YWHAE: variants seen among roughly 807,000 people sequenced by gnomAD.
YWHAE encodes 14-3-3 protein epsilon.
In YWHAE, 4 loss-of-function variants were observed where a neutral mutation model predicts 30.1. The ratio of observed to expected loss-of-function variants is 0.13; its 90% confidence interval spans 0.07 to 0.30. The LOEUF is 0.30. Among genes scored for constraint, YWHAE ranks in the 10% least tolerant of loss-of-function variants. YWHAE has a pLI of 1.00. For synonymous variants in YWHAE, 118 were observed against 111.8 expected (o/e 1.06, Z -0.35); for missense variants, 121 against 315.9 (o/e 0.38, Z 4.68).
intron 3 of YWHAE, chr17:1,361,644 T>G (rs1598239295): frequency 2.2e-6 from 1 of 448,448 alleles, no homozygotes; most frequent in East Asian, 3.7e-5. Context: ...TGTCTATATA[T>G]AACACTAAGC....
chr17:1,353,784 C>G (rs1242020194), intron 5 of YWHAE, among the ~76,000 whole-genome samples: 1 of 150,108 alleles, frequency 6.7e-6, no homozygotes, highest in Non-Finnish European at 1.5e-5. Flanking sequence ...AAAAGAGACC[C>G]AAGGGCCAAC....
intron 2 of YWHAE, among the ~76,000 whole-genome samples, chr17:1,363,687 T>A (rs567287020): frequency 6.6e-6 from 1 of 152,320 alleles, no homozygotes; most frequent in East Asian, 1.9e-4. Flanking sequence ...ATGTACTACC[T>A]TGCACAAATA....
intron 1 of YWHAE, among the ~76,000 whole-genome samples, chr17:1,376,448 G>C (rs1434558798): frequency 6.6e-6 from 1 of 151,996 alleles, no homozygotes; most frequent in African/African-American, 2.4e-5. Context: ...TGCTTAAAAC[G>C]CATTTCTTTT....
chr17:1,356,849 A>T (rs564302689), intron 4 of YWHAE, among the ~76,000 whole-genome samples: 1 of 152,130 alleles, frequency 6.6e-6, no homozygotes, highest in Non-Finnish European at 1.5e-5. Context: ...GCATGCCTAT[A>T]ATAGTCAACA....
intron 5 of YWHAE, among the ~76,000 whole-genome samples, chr17:1,353,446 A>AAAAAAAG (rs1246611850): frequency 1.4e-5 from 2 of 140,760 alleles, no homozygotes; most frequent in East Asian, 4.4e-4. Context: ...TCAAAAAAAA[A>AAAAAAAG]AAAAGAAAAG....
intron 1 of YWHAE, among the ~76,000 whole-genome samples, chr17:1,366,025 G>A (rs1312613040): frequency 6.6e-6 from 1 of 151,970 alleles, no homozygotes; most frequent in Non-Finnish European, 1.5e-5. Flanking sequence ...AGACTATCCT[G>A]GCCAACATGG....
intron 1 of YWHAE, among the ~76,000 whole-genome samples, chr17:1,375,022 C>G (rs2073102237): frequency 6.6e-6 from 1 of 152,122 alleles, no homozygotes; most frequent in African/African-American, 2.4e-5. Context: ...CTCCTGGCCT[C>G]GAGTGATCCT....
chr17:1,389,846 T>C (rs953262830), intron 1 of YWHAE, among the ~76,000 whole-genome samples: 4 of 150,146 alleles, frequency 2.7e-5, no homozygotes, highest in Non-Finnish European at 5.9e-5. Context: ...TTACATTTTC[T>C]TTCTTTCTTT....
intron 1 of YWHAE, among the ~76,000 whole-genome samples, chr17:1,378,202 C>T (rs2073152515): frequency 6.6e-6 from 1 of 152,220 alleles, no homozygotes; most frequent in African/African-American, 2.4e-5. Flanking sequence ...CCTAGATTTA[C>T]ATGTGAGAAG....
Position 1,356,922 on chromosome 17 carries a change from A to G in YWHAE, c.579-2575T>C, listed in dbSNP as rs1025662532. ...AACTTTGAAAGGCTTTCACTTAAAAACCCTACTTTGCTTAAGCAGTTGTCC... is the reference window on the plus strand; with the variant it reads ...AACTTTGAAAGGCTTTCACTTAAAAGCCCTACTTTGCTTAAGCAGTTGTCC... On this transcript the variant is annotated intron_variant, in intron 4 of 5. Transcript: ENST00000264335. Among the ~76,000 whole-genome samples, 7 of 151,136 alleles carry G rather than the reference A, an allele frequency of 4.6e-5. No homozygotes were observed. The South Asian group carries it at 1.5e-3, about 32-fold the overall frequency.
intron 5 of YWHAE, among the ~76,000 whole-genome samples, chr17:1,350,875 T>A (rs1488540884): frequency 6.7e-6 from 1 of 150,050 alleles, no homozygotes. Context: ...CTGGCCAACA[T>A]GGTGAAACCC....
At chr17:1,372,946 T>C (rs549003970) in intron 1 of YWHAE, among the ~76,000 whole-genome samples, 15 of 150,878 alleles carry the variant, frequency 9.9e-5, no homozygotes, top group African/African-American at 3.7e-4. Context: ...CAAAAATTAA[T>C]AGTAAAAGAA....
chr17:1,385,723 CT>C (rs1319321053), intron 1 of YWHAE, among the ~76,000 whole-genome samples: 1 of 152,148 alleles, frequency 6.6e-6, no homozygotes, highest in African/African-American at 2.4e-5. Flanking sequence ...GTTCCATTAC[CT>C]GTTACCTGCA....
chr17:1,373,103 C>T (rs2073065753), intron 1 of YWHAE, among the ~76,000 whole-genome samples: 1 of 151,992 alleles, frequency 6.6e-6, no homozygotes, highest in African/African-American at 2.4e-5. Flanking sequence ...ATTAGCCAGG[C>T]ATGGGGGCGC....
intron 1 of YWHAE, among the ~76,000 whole-genome samples, chr17:1,365,698 C>T (rs2150854134): frequency 6.6e-6 from 1 of 152,294 alleles, no homozygotes; most frequent in Non-Finnish European, 1.5e-5. Flanking sequence ...CAAAGCGCCA[C>T]AAACAGCACA....
chr17:1,375,234 GA>G (rs1244033624), intron 1 of YWHAE, among the ~76,000 whole-genome samples: 1 of 152,068 alleles, frequency 6.6e-6, no homozygotes, highest in East Asian at 1.9e-4. Flanking sequence ...ACCAGCAACA[GA>G]AACATAATAC....
rs543499657 is a variant in YWHAE, at chr17:1,362,010, TAAA to T, written c.265-5_265-3del. 13 of 1,184,762 alleles carry T rather than the reference TAAA, an allele frequency of 1.1e-5. No homozygotes were observed. Among genetic ancestry groups the T allele is most frequent in the South Asian group, 1.7e-5 (1 of 60,406 alleles). 73.4% of individuals were successfully genotyped at this position (1,184,762 alleles called of 1,614,324 possible). On this transcript the variant is annotated splice_polypyrimidine_tract_variant and splice_region_variant and intron_variant, in intron 2 of 5. Coordinates refer to ENST00000264335, the MANE Select transcript of YWHAE (RefSeq NM_006761.5). Reference sequence around the variant, plus strand: ...GATTAACTTTAGCTCAGTCTCAACCTAAAAAAAAAAAAATTTTTTTTAAATCAG... The same window carrying T: ...GATTAACTTTAGCTCAGTCTCAACCTAAAAAAAAAATTTTTTTTAAATCAG...
chr17:1,397,482 G>A (rs894377380), intron 1 of YWHAE, among the ~76,000 whole-genome samples: 6 of 152,148 alleles, frequency 3.9e-5, no homozygotes, highest in African/African-American at 1.2e-4. Flanking sequence ...AACGCCCCAG[G>A]ATAGAATTAA....
intron 1 of YWHAE, among the ~76,000 whole-genome samples, chr17:1,383,293 C>T (rs975154658): frequency 5.3e-5 from 8 of 151,396 alleles, no homozygotes; most frequent in South Asian, 2.1e-4. Context: ...GAGGTTTCCG[C>T]GAGCTGAGAT....
Sources: allele counts gnomAD v4.1 joint callset (sites outside exome capture counted in the v4.1 genomes callset), GRCh38; gene constraint gnomAD v4.1.1; transcripts MANE v1.5; gene names NCBI Gene and HGNC (gene_info 2026-07-23, HGNC 2026-07-21).